Variants in NSD1 observed in about 807,000 individuals in gnomAD.
The protein encoded by NSD1 is nuclear receptor binding SET domain protein 1, also known as histone-lysine N-methyltransferase, H3 lysine-36 specific.
NSD1 carries 26 observed loss-of-function variants against 242.7 expected under a neutral mutation model. The ratio of observed to expected loss-of-function variants is 0.11; its 90% confidence interval spans 0.08 to 0.15. The LOEUF is 0.15. Among genes scored for constraint, NSD1 ranks in the 10% least tolerant of loss-of-function variants. The pLI, the probability that NSD1 is intolerant of heterozygous loss-of-function variation, is 1.00. For missense variants in NSD1, 2,495 were observed against 3,272.8 expected, an observed-to-expected ratio of 0.76 and a Z score of 5.80; for synonymous variants, 1,106 against 1,178.1, an observed-to-expected ratio of 0.94 and a Z score of 1.25.
intron 2 of NSD1, among the ~76,000 whole-genome samples, chr5:177,170,009 G>A (rs1347622412): frequency 1.3e-5 from 2 of 152,110 alleles, no homozygotes; most frequent in South Asian, 2.1e-4. Context: ...TTGCTCTGTC[G>A]CCCAGGCTGG....
intron 3 of NSD1, among the ~76,000 whole-genome samples, chr5:177,198,720 A>G (rs986122006): frequency 6.6e-6 from 1 of 152,178 alleles, no homozygotes; most frequent in Non-Finnish European, 1.5e-5. Context: ...CTTGAATGAC[A>G]GTCTTACTAA....
chr5:177,135,816 A>G lies in NSD1; in HGVS notation c.713A>G (p.Asn238Ser). Residue 238 changes from asparagine (N) to serine (S), a missense_variant, in exon 2 of 23, where the codon AAT (asparagine) becomes AGT (serine). By Grantham distance (46) the Asn-to-Ser change is conservative. Coordinates refer to ENST00000439151, the MANE Select transcript of NSD1 (RefSeq NM_022455.5). ...GCTCCTCAGACTGAAACACAGAAAAATAAGCAAAGAAATGAAGTGGACGGC... is the reference window on the plus strand; with the variant it reads ...GCTCCTCAGACTGAAACACAGAAAAGTAAGCAAAGAAATGAAGTGGACGGC... Reference protein sequence around the residue: ...PLAPQTETQKNKQRNEVDGSN... With the variant: ...PLAPQTETQKSKQRNEVDGSN... The G allele has an allele frequency of 5.6e-6, 9 of 1,608,418 alleles. No individual in the cohort carries two copies. The highest frequency in any genetic ancestry group is 7.7e-6 in the Non-Finnish European group (9 of 1,175,924).
intron 2 of NSD1, among the ~76,000 whole-genome samples, chr5:177,180,774 C>G (rs1375681517): frequency 6.6e-6 from 1 of 151,952 alleles, no homozygotes; most frequent in African/African-American, 2.4e-5. Context: ...CCTCCGCCTC[C>G]CGGGTTCAAG....
intron 3 of NSD1, among the ~76,000 whole-genome samples, chr5:177,195,459 C>T (rs574932767): frequency 6.6e-6 from 1 of 152,032 alleles, no homozygotes; most frequent in East Asian, 1.9e-4. Context: ...GGGTGTCTCT[C>T]TCTCTCTCTC....
intron 2 of NSD1, among the ~76,000 whole-genome samples, chr5:177,170,896 A>G (rs956016647): frequency 5.3e-5 from 8 of 152,142 alleles, no homozygotes; most frequent in African/African-American, 1.9e-4. Context: ...TTTAGATAAT[A>G]TAAGTAGTAT....
At chr5:177,212,273 G>T (rs901784444) in intron 5 of NSD1, 78 bp downstream of exon 5, 1 of 1,420,478 alleles carries the variant, frequency 7.0e-7, no homozygotes, top group African/African-American at 1.4e-5. Flanking sequence ...AAATTGGTCT[G>T]TTGTAATGGT....
At chr5:177,159,519 G>C (rs1268492878) in intron 2 of NSD1, among the ~76,000 whole-genome samples, 1 of 151,822 alleles carries the variant, frequency 6.6e-6, no homozygotes, top group Non-Finnish European at 1.5e-5. Flanking sequence ...CCTGACCTCA[G>C]GTGAACCGCC....
In NSD1 at chr5:177,134,860, G is replaced by T. The variant is rs1210574626; in HGVS notation, c.-17-227G>T. Among the ~76,000 whole-genome samples the T allele has an allele frequency of 6.6e-6, 1 of 152,200 alleles. No homozygotes were observed. The highest frequency in any genetic ancestry group is 1.5e-5 in the Non-Finnish European group (1 of 68,026). On this transcript the variant is annotated intron_variant, in intron 1 of 22. Coordinates refer to ENST00000439151, the MANE Select transcript of NSD1 (RefSeq NM_022455.5). This position sits in a 1 kb window ranked among gnomAD's most constrained non-coding sequence, Gnocchi z 4.2. ...CCACCAGTCTACAGAGGAGGAAAAA[G>T]AGACGGGCTGTTTCTATGTAGCAGG...
Position 177,280,758 on chromosome 5 carries a change from G to T in NSD1, c.5816G>T (p.Arg1939Leu). 1.2e-6 allele frequency: 2 copies of T among 1,614,210 alleles called. No homozygotes were observed. Among genetic ancestry groups the T allele is most frequent in the Non-Finnish European group, 1.7e-6 (2 of 1,180,046 alleles). ...GRCQNQCFSK[R>L]QYPEVEIFRT... ...TGTCAAAACCAGTGCTTTTCCAAGC[G>T]CCAATATCCAGAGGTTGAAATTTTC... Residue 1939 changes from arginine (R) to leucine (L), a missense_variant, in exon 18 of 23, where the codon CGC becomes CTC. This residue lies in a region of NSD1 where 114 missense variants were observed against 247.4 expected (regional missense o/e 0.46). Transcript: ENST00000439151.
intron 8 of NSD1, among the ~76,000 whole-genome samples, chr5:177,243,194 C>T (rs1240720825): frequency 6.6e-6 from 1 of 151,880 alleles, no homozygotes; most frequent in Non-Finnish European, 1.5e-5. Flanking sequence ...TTCTTTCTTT[C>T]TTTCTTTTTT....
chr5:177,204,256 A>G lies in NSD1; in HGVS notation c.1200A>G (p.Arg400=), dbSNP rs1762714691. 6.2e-7 allele frequency: 1 copy of G among 1,614,034 alleles called. No homozygotes were observed. The change falls in exon 4 of 23, where the codon AGA becomes AGG. Residue 400 remains arginine (R), a synonymous_variant. Transcript: ENST00000439151. ...TCGAAGAGCTACCTGTCCTTAGGAGAAGAGGGAAACAGAAAGAAAAAGGAT... is the reference window on the plus strand; with the variant it reads ...TCGAAGAGCTACCTGTCCTTAGGAGGAGAGGGAAACAGAAAGAAAAAGGAT... ...HQFEELPVLR[R]RGKQKEKGYR...
Position 177,295,976 on chromosome 5 carries a change from T to C in NSD1, c.*517T>C, listed in dbSNP as rs771470274. The stretch of plus-strand genomic sequence containing the variant: ...CAGGCCTCATCCCTGTGAGCCTGGA[T>C]TCCAAGGCTTTCAGGAACCTTTGAC... On this transcript the variant is annotated 3_prime_UTR_variant, in exon 23 of 23. Transcript: ENST00000439151. The surrounding 1 kb of genome is among the most constrained non-coding windows in gnomAD (Gnocchi z 4.3). The C allele has an allele frequency of 1.2e-5, 3 of 260,740 alleles. No individual in the cohort carries two copies. Among genetic ancestry groups the C allele is most frequent in the Non-Finnish European group, 2.3e-5 (3 of 133,190 alleles). The allele number at this position is 260,740 out of a possible 1,614,324, so 16.2% of individuals were successfully genotyped here.
chr5:177,145,905 T>A (rs1757201267), intron 2 of NSD1, among the ~76,000 whole-genome samples: 1 of 68,658 alleles, frequency 1.5e-5, no homozygotes, highest in East Asian at 7.9e-4. Context: ...CGAAACTCCA[T>A]CTCAAAAAAA....
chr5:177,235,023 C>T (rs898059607), intron 5 of NSD1, among the ~76,000 whole-genome samples: 14 of 152,080 alleles, frequency 9.2e-5, no homozygotes, highest in African/African-American at 3.4e-4. Context: ...GCTTAGCTAC[C>T]CTGAACACAC....
intron 4 of NSD1, 47 bp downstream of exon 4, chr5:177,204,339 A>G: frequency 1.3e-6 from 2 of 1,544,710 alleles, no homozygotes; most frequent in Non-Finnish European, 1.8e-6. Context: ...AGCAAGTAAG[A>G]AAAAGAAAGA....
intron 2 of NSD1, among the ~76,000 whole-genome samples, chr5:177,184,863 T>C (rs1301129376): frequency 3.3e-5 from 5 of 152,176 alleles, no homozygotes; most frequent in Admixed American, 6.6e-5. Context: ...TGAGATTATG[T>C]ATTTATACTT....
At position 177,211,792 on chromosome 5, in the gene NSD1, C is replaced by T. The variant is rs150296373; in HGVS notation, c.3393C>T (p.Asn1131=). 223 of 1,614,068 alleles carry T rather than the reference C, an allele frequency of 1.4e-4. No individual in the cohort carries two copies. The African/African-American group carries it at 2.4e-3, about 17-fold the overall frequency. The change falls in exon 5 of 23, where the codon AAC becomes AAT. Residue 1131 remains asparagine, a synonymous_variant. Transcript: ENST00000439151. The stretch of plus-strand genomic sequence containing the variant: ...CTGAAAAAGGACTCTCTTTTGAAAA[C>T]GGAAAAGGCCCAGAGCTGGACTCTG... The part of the protein sequence containing the change: ...KISEKGLSFE[N]GKGPELDSVM...
intron 2 of NSD1, among the ~76,000 whole-genome samples, chr5:177,170,286 AT>A (rs1040182418): frequency 4.1e-5 from 6 of 144,920 alleles, no homozygotes; most frequent in Admixed American, 6.9e-5. Flanking sequence ...TGTATAATTT[AT>A]TTTTTTTTCT....
At chr5:177,293,079 G>A (rs946651569) in intron 22 of NSD1, among the ~76,000 whole-genome samples, 1 of 152,226 alleles carries the variant, frequency 6.6e-6, no homozygotes, top group African/African-American at 2.4e-5. Flanking sequence ...GCACCAGGAA[G>A]TAGAATTGTT....
Sources: allele counts gnomAD v4.1 joint callset (sites outside exome capture counted in the v4.1 genomes callset), GRCh38; gene constraint gnomAD v4.1.1; regional missense constraint gnomAD v4.1.1; non-coding constraint Gnocchi (gnomAD v3.1); transcripts MANE v1.5; gene names NCBI Gene and HGNC (gene_info 2026-07-23, HGNC 2026-07-21).